Variants in PIP4K2A observed in about 807,000 individuals in gnomAD.
PIP4K2A encodes phosphatidylinositol 5-phosphate 4-kinase type-2 alpha.
Under a neutral mutation model 42.9 loss-of-function variants are expected in PIP4K2A, and 14 were observed. The ratio of observed to expected loss-of-function variants is 0.33; its 90% CI spans 0.22 to 0.51. The LOEUF is 0.51. PIP4K2A is among the 20% of genes least tolerant of loss of function. PIP4K2A has a pLI of 0.97. For synonymous variants in PIP4K2A, 192 were observed against 192.2 expected, an observed-to-expected ratio of 1.00 and a Z score of 0.01; for missense variants, 434 against 519.8, an observed-to-expected ratio of 0.83 and a Z score of 1.61.
chr10:22,585,372 C>T (rs1430431132), intron 4 of PIP4K2A, among the ~76,000 whole-genome samples: 1 of 152,060 alleles, frequency 6.6e-6, no homozygotes, highest in African/African-American at 2.4e-5. Flanking sequence ...TTAATTGTTT[C>T]CCTAAATAAA....
chr10:22,567,551 A>T, intron 6 of PIP4K2A: 1 of 614,864 alleles, frequency 1.6e-6, no homozygotes, highest in Non-Finnish European at 3.1e-6. Flanking sequence ...TGTCAGTGCC[A>T]TTTTCGATTA....
intron 1 of PIP4K2A, among the ~76,000 whole-genome samples, chr10:22,660,789 A>C (rs1839191681): frequency 6.6e-6 from 1 of 152,062 alleles, no homozygotes; most frequent in Non-Finnish European, 1.5e-5. Context: ...TACTTCTAGA[A>C]CTCAAGAAAA....
At chr10:22,560,495 C>T (rs948612609) in intron 6 of PIP4K2A, among the ~76,000 whole-genome samples, 2 of 152,216 alleles carry the variant, frequency 1.3e-5, no homozygotes, top group Non-Finnish European at 2.9e-5. Context: ...TTAATCCTCT[C>T]GAACCCTCAG....
chr10:22,539,721 G>C (rs1158135516), intron 9 of PIP4K2A: 2 of 476,388 alleles, frequency 4.2e-6, no homozygotes, highest in South Asian at 3.0e-5. Flanking sequence ...GCTGTGGTAA[G>C]AGCAGCAGTG....
intron 1 of PIP4K2A, among the ~76,000 whole-genome samples, chr10:22,642,803 T>C (rs16922545): frequency 0.01 from 1,575 of 152,112 alleles, 30 homozygotes; most frequent in African/African-American, 0.036. Flanking sequence ...AGAAGGAAAT[T>C]GGTCTTGTTC....
At chr10:22,576,851 G>A (rs897391197) in intron 4 of PIP4K2A, among the ~76,000 whole-genome samples, 4 of 152,086 alleles carry the variant, frequency 2.6e-5, no homozygotes, top group African/African-American at 7.2e-5. Context: ...CAAGGTGGGC[G>A]GATAGCTTGA....
intron 1 of PIP4K2A, among the ~76,000 whole-genome samples, chr10:22,682,784 C>T (rs1392621749): frequency 6.6e-6 from 1 of 152,174 alleles, no homozygotes; most frequent in Admixed American, 6.5e-5. Flanking sequence ...AGAACTAGAA[C>T]CTGAGGTTAG....
chr10:22,623,793 T>G (rs989931596), intron 1 of PIP4K2A, among the ~76,000 whole-genome samples: 9 of 152,204 alleles, frequency 5.9e-5, no homozygotes, highest in African/African-American at 2.2e-4. Flanking sequence ...CTGAAGCTAA[T>G]GTTAAACACA....
chr10:22,635,359 G>T (rs1037626878), intron 1 of PIP4K2A, among the ~76,000 whole-genome samples: 15 of 152,186 alleles, frequency 9.9e-5, no homozygotes, highest in Non-Finnish European at 1.5e-5. Context: ...GAAGGGCTTT[G>T]TGGGAGCTCT....
rs376063061 is a variant in PIP4K2A at position 22,569,108 on chromosome 10, T to C, written c.640-1219A>G. The stretch of plus-strand genomic sequence containing the variant: ...TGGCTTTCATCGAGCAGCTCAGGCA[T>C]TGACTAGGATTGAGCTTCCTGCAAT... On this transcript the variant is annotated intron_variant, in intron 5 of 9. Coordinates refer to ENST00000376573, the MANE Select transcript of PIP4K2A (RefSeq NM_005028.5). The C allele has an allele frequency of 4.1e-5, 51 of 1,259,082 alleles. 2 individuals carry two copies. In the South Asian group the frequency reaches 6.0e-4, roughly 15 times the overall value. 78.0% of individuals were successfully genotyped at this position (1,259,082 alleles called of 1,614,324 possible).
At chr10:22,563,093 A>C (rs1836751748) in intron 6 of PIP4K2A, among the ~76,000 whole-genome samples, 1 of 151,992 alleles carries the variant, frequency 6.6e-6, no homozygotes, top group South Asian at 2.1e-4. Flanking sequence ...AGGCAGGCAC[A>C]CTCTCCATCA....
chr10:22,606,154 A>AAAG, intron 3 of PIP4K2A, among the ~76,000 whole-genome samples: 1 of 151,422 alleles, frequency 6.6e-6, no homozygotes, highest in Admixed American at 6.6e-5. Context: ...CCAAAAAAAA[A>AAAG]AAAAAAATTA....
At chr10:22,600,222 C>T (rs1343491296) in intron 3 of PIP4K2A, among the ~76,000 whole-genome samples, 5 of 151,656 alleles carry the variant, frequency 3.3e-5, no homozygotes, top group South Asian at 4.2e-4. Flanking sequence ...TTTTGATGGT[C>T]GTTTGTATAC....
At chr10:22,616,528 C>T (rs975050819) in intron 1 of PIP4K2A, among the ~76,000 whole-genome samples, 2 of 152,186 alleles carry the variant, frequency 1.3e-5, no homozygotes, top group East Asian at 1.9e-4. Context: ...ACATAACTCA[C>T]ATGAGTTACC....
At chr10:22,544,623 G>A (rs1836215659) in intron 7 of PIP4K2A, among the ~76,000 whole-genome samples, 1 of 152,194 alleles carries the variant, frequency 6.6e-6, no homozygotes, top group Non-Finnish European at 1.5e-5. Context: ...AGTGGTAAAG[G>A]CTGAGTGGTG....
chr10:22,661,328 T>TA (rs1012520235), intron 1 of PIP4K2A, among the ~76,000 whole-genome samples: 2 of 150,986 alleles, frequency 1.3e-5, no homozygotes, highest in African/African-American at 4.9e-5. Flanking sequence ...AGTCTATACC[T>TA]ATCTGTGAGG....
intron 1 of PIP4K2A, among the ~76,000 whole-genome samples, chr10:22,701,672 T>C (rs1440424028): frequency 6.6e-6 from 1 of 152,092 alleles, no homozygotes; most frequent in East Asian, 1.9e-4. Context: ...GCTGACAGGG[T>C]TATTCAGGTC....
At chr10:22,547,970 G>T (rs1836297746) in intron 7 of PIP4K2A, among the ~76,000 whole-genome samples, 2 of 152,194 alleles carry the variant, frequency 1.3e-5, no homozygotes, top group African/African-American at 4.8e-5. Flanking sequence ...TTCTTGAGCT[G>T]TAATACACTC....
rs527475119 is a variant in PIP4K2A at position 22,703,424 on chromosome 10, T to A, written c.144+10759A>T. Among the ~76,000 whole-genome samples, 15 of 151,608 alleles carry A rather than the reference T, an allele frequency of 9.9e-5. No individual in the cohort carries two copies. The South Asian group carries it at 3.1e-3, about 32-fold the overall frequency. On this transcript the variant is annotated intron_variant, in intron 1 of 9. Coordinates refer to ENST00000376573, the MANE Select transcript of PIP4K2A (RefSeq NM_005028.5). ...ACCTTGTCTCAAATAAAAAAATAAATAAATAAAAGAGGGAAAAACATTCCC... is the reference window on the plus strand; with the variant it reads ...ACCTTGTCTCAAATAAAAAAATAAAAAAATAAAAGAGGGAAAAACATTCCC...
Sources: gnomAD v4.1 joint callset for allele counts (sites outside exome capture counted in the v4.1 genomes callset) on GRCh38, gnomAD v4.1.1 for gene constraint, MANE v1.5 for transcripts, NCBI Gene and HGNC (gene_info 2026-07-23, HGNC 2026-07-21) for gene names.